TGM5: variants seen among roughly 807,000 people sequenced by gnomAD.
The protein encoded by TGM5 is protein-glutamine gamma-glutamyltransferase 5.
In TGM5, 69 loss-of-function variants were observed where a neutral mutation model predicts 77.2. The ratio of observed to expected loss-of-function variants is 0.89; its 90% CI spans 0.74 to 1.09. The LOEUF (loss-of-function observed/expected upper bound fraction) is 1.09, where lower values mean the gene tolerates loss of function less well. Ranked by LOEUF, TGM5 falls within the 50% of genes least tolerant of loss-of-function variation. The pLI, the probability that TGM5 is intolerant of heterozygous loss-of-function variation, is 0.00. For missense variants in TGM5, 842 were observed against 896.5 expected, an observed-to-expected ratio of 0.94 and a Z score of 0.78; for synonymous variants, 346 against 351.8, an observed-to-expected ratio of 0.98 and a Z score of 0.18.
intron 9 of TGM5, among the ~76,000 whole-genome samples, chr15:43,238,063 G>A (rs2042603253): frequency 6.6e-6 from 1 of 152,108 alleles, no homozygotes; most frequent in South Asian, 2.1e-4. Context: ...GAGCCTCCCT[G>A]CGTCTGTCCC....
chr15:43,238,967 C>A lies in TGM5; in HGVS notation c.1195G>T (p.Val399Leu), dbSNP rs756747441. 6.2e-7 allele frequency: 1 copy of A among 1,614,218 alleles called. No homozygotes were observed. Among genetic ancestry groups the A allele is most frequent in the South Asian group, 1.1e-5 (1 of 91,086 alleles). ...NYDTPFVFSM[V>L]NADCMSWLVQ... ...AGCCAGGACATGCAGTCAGCATTCACCATCGAAAACACAAAGGGCGTGTCA... is the reference window on the plus strand; with the variant it reads ...AGCCAGGACATGCAGTCAGCATTCAACATCGAAAACACAAAGGGCGTGTCA... Residue 399 changes from valine (V) to leucine (L), a missense_variant, in exon 9 of 13, where the codon GTG (valine) becomes TTG (leucine). Val to Leu is a conservative substitution (Grantham distance 32). This residue lies in a region of TGM5 where 815 missense variants were observed against 844.6 expected (regional missense o/e 0.96). Transcript: ENST00000220420.
rs752609754 is a variant in TGM5, at chr15:43,238,944, C to A, written c.1218G>T (p.Trp406Cys). 1.7e-5 allele frequency: 27 copies of A among 1,614,194 alleles called. No homozygotes were observed. The highest frequency in any genetic ancestry group is 3.3e-5 in the Admixed American group (2 of 60,022). Residue 406 changes from tryptophan to cysteine, a missense_variant, in exon 9 of 13, where the codon TGG becomes TGT. This residue lies in a region of TGM5 where 815 missense variants were observed against 844.6 expected (regional missense o/e 0.96). Transcript: ENST00000220420. ...TCTGCTCCTTCCCTCCCTGGACGAGCCAGGACATGCAGTCAGCATTCACCA... is the reference window on the plus strand; with the variant it reads ...TCTGCTCCTTCCCTCCCTGGACGAGACAGGACATGCAGTCAGCATTCACCA... The part of the protein sequence containing the change: ...FSMVNADCMS[W>C]LVQGGKEQKL...
chr15:43,262,258 G>A (rs548059008), intron 1 of TGM5, among the ~76,000 whole-genome samples: 62 of 152,260 alleles, frequency 4.1e-4, no homozygotes, highest in African/African-American at 1.3e-3. Context: ...TTACATGACC[G>A]GTTCATTTGT....
At chr15:43,242,006 T>G (rs1375645959) in intron 6 of TGM5, among the ~76,000 whole-genome samples, 1 of 152,188 alleles carries the variant, frequency 6.6e-6, no homozygotes, top group Non-Finnish European at 1.5e-5. Context: ...TCCCTTCATG[T>G]CCAGCAATGA....
intron 7 of TGM5, among the ~76,000 whole-genome samples, chr15:43,240,481 G>C (rs2042626587): frequency 7.1e-6 from 1 of 141,598 alleles, no homozygotes; most frequent in Non-Finnish European, 1.5e-5. Flanking sequence ...CTATTGATCT[G>C]ATTTTGTGAG....
intron 7 of TGM5, 142 bp downstream of exon 7, chr15:43,240,710 G>T (rs1404493625): frequency 2.0e-6 from 2 of 1,008,688 alleles, no homozygotes; most frequent in Non-Finnish European, 3.0e-6. Flanking sequence ...CCTTGGTGGG[G>T]GGTGGGTGGG....
rs473016 is a variant in TGM5, at chr15:43,266,625, A to C, written c.10+215T>G. 0.42 allele frequency among the ~76,000 whole-genome samples: 63,734 copies of C among 152,078 alleles called. 15,572 individuals are homozygous for C. The highest frequency in any genetic ancestry group is 0.67 in the African/African-American group (27,851 of 41,480). On this transcript the variant is annotated intron_variant, in intron 1 of 12. Transcript: ENST00000220420. ...TATGGAGGCAGGCATGTTAGCAAGC[A>C]GCTGTGTGCTGTGTTTACCTGTCTG...
chr15:43,264,207 C>T (rs2042810170), intron 1 of TGM5, among the ~76,000 whole-genome samples: 1 of 152,064 alleles, frequency 6.6e-6, no homozygotes, highest in African/African-American at 2.4e-5. Context: ...TGGTGCAGCA[C>T]TTTGGAAAAC....
At chr15:43,238,115 A>G (rs1303038730) in intron 9 of TGM5, among the ~76,000 whole-genome samples, 1 of 151,536 alleles carries the variant, frequency 6.6e-6, no homozygotes, top group Non-Finnish European at 1.5e-5. Flanking sequence ...ACTCACCAGC[A>G]CTCCCAGCAA....
chr15:43,266,194 C>T (rs1038982915), intron 1 of TGM5, among the ~76,000 whole-genome samples: 7 of 152,068 alleles, frequency 4.6e-5, no homozygotes, highest in Admixed American at 1.3e-4. Context: ...AATTTTAAAA[C>T]AAAAATTTAA....
In TGM5 at chr15:43,263,196, A is replaced by G. The variant is rs117741236; in HGVS notation, c.11-2617T>C. On this transcript the variant is annotated intron_variant, in intron 1 of 12. Coordinates refer to ENST00000220420, the MANE Select transcript of TGM5 (RefSeq NM_201631.4). Reference sequence around the variant, plus strand: ...CTATATCACAAAACATCACTGAAAGAAATTAAAGAAGACCTAAATAAATGA... The same window carrying G: ...CTATATCACAAAACATCACTGAAAGGAATTAAAGAAGACCTAAATAAATGA... Among the ~76,000 whole-genome samples, 155 of 152,372 alleles carry G rather than the reference A, an allele frequency of 1.0e-3. 1 individual carries two copies. In the East Asian group the frequency reaches 0.025, roughly 25 times the overall value.
At chr15:43,254,685 A>T (rs527475048) in intron 4 of TGM5, among the ~76,000 whole-genome samples, 1 of 152,040 alleles carries the variant, frequency 6.6e-6, no homozygotes, top group Non-Finnish European at 1.5e-5. Flanking sequence ...GCAACACCAA[A>T]TGTCTGCAGC....
intron 6 of TGM5, 72 bp from the exon 7 acceptor site, chr15:43,241,062 C>T (rs888648442): frequency 6.3e-7 from 1 of 1,599,204 alleles, no homozygotes; most frequent in Admixed American, 1.7e-5. Context: ...GACTTTGGGG[C>T]CTGGACCTGG....
intron 6 of TGM5, among the ~76,000 whole-genome samples, chr15:43,242,294 T>C (rs1001820838): frequency 6.6e-6 from 1 of 152,230 alleles, no homozygotes; most frequent in Non-Finnish European, 1.5e-5. Flanking sequence ...TTCAGCATCT[T>C]AGTGTTTTTA....
At chr15:43,266,012 A>C (rs1384490049) in intron 1 of TGM5, among the ~76,000 whole-genome samples, 1 of 152,234 alleles carries the variant, frequency 6.6e-6, no homozygotes, top group Non-Finnish European at 1.5e-5. Context: ...CATTGAGTAA[A>C]TGTATGTCTG....
At chr15:43,239,990 C>T (rs2042622626) in intron 7 of TGM5, among the ~76,000 whole-genome samples, 1 of 152,128 alleles carries the variant, frequency 6.6e-6, no homozygotes, top group Non-Finnish European at 1.5e-5. Flanking sequence ...CTTTTCCTGT[C>T]TTCCTGTCTC....
At position 43,253,406 on chromosome 15, in the gene TGM5, C is replaced by T. The variant is rs1202829942; in HGVS notation, c.684+100G>A. 14 of 1,543,792 alleles carry T rather than the reference C, an allele frequency of 9.1e-6. No individual in the cohort carries two copies. The Admixed American group carries it at 2.3e-4, about 26-fold the overall frequency. ...GTCAGTCTCATCCAAGATGGCTTTG[C>T]CAGAGGGTCCCTCTTTCACCCACTG... is the stretch of plus-strand genomic sequence containing the variant. On this transcript the variant is annotated intron_variant, in intron 5 of 12. Coordinates refer to ENST00000220420, the MANE Select transcript of TGM5 (RefSeq NM_201631.4).
At position 43,233,058 on chromosome 15, in the gene TGM5, C is replaced by T. The variant is rs991393801; in HGVS notation, c.*133G>A. The T allele has an allele frequency of 3.7e-5, 41 of 1,111,276 alleles. No homozygotes were observed. The highest frequency in any genetic ancestry group is 1.6e-4 in the South Asian group (11 of 67,684). 68.8% of individuals were successfully genotyped at this position (1,111,276 alleles called of 1,614,324 possible). A position where few individuals can be genotyped will look rare whatever the true frequency, so the allele number is the denominator to read the frequency against. On this transcript the variant is annotated 3_prime_UTR_variant, in exon 13 of 13. Transcript: ENST00000220420. Reference sequence around the variant, plus strand: ...AGTCAGGAGAGACAGAAAATGAACACGTCATCCCCTCTGTGGCTCTTGCTG... The same window carrying T: ...AGTCAGGAGAGACAGAAAATGAACATGTCATCCCCTCTGTGGCTCTTGCTG...
rs758893691 is a variant in TGM5, at chr15:43,239,072, G to A, written c.1106-16C>T. On this transcript the variant is annotated splice_polypyrimidine_tract_variant and intron_variant, in intron 8 of 12. Transcript: ENST00000220420. ...CAGTAGACGCCTGAAGGAGAACAGG[G>A]GAGCCTCGGTGGGCTGTTTGTTGCA... is the stretch of plus-strand genomic sequence containing the variant. 2 of 1,614,050 alleles carry A rather than the reference G, an allele frequency of 1.2e-6. No individual in the cohort carries two copies. Among genetic ancestry groups the A allele is most frequent in the Non-Finnish European group, 1.7e-6 (2 of 1,180,004 alleles).
Sources: gnomAD v4.1 joint callset for allele counts (sites outside exome capture counted in the v4.1 genomes callset) on GRCh38, gnomAD v4.1.1 for gene constraint, gnomAD v4.1.1 regional missense constraint, MANE v1.5 for transcripts, NCBI Gene and HGNC (gene_info 2026-07-23, HGNC 2026-07-21) for gene names.